CDK14: variants seen among roughly 807,000 people sequenced by gnomAD.
CDK14 encodes the protein cyclin-dependent kinase 14.
Under a neutral mutation model 60.7 loss-of-function variants are expected in CDK14, and 34 were observed. The ratio of observed to expected loss-of-function variants is 0.56; its 90% CI spans 0.43 to 0.75. CDK14 has a LOEUF of 0.75. Ranked by LOEUF, CDK14 falls within the 30% of genes least tolerant of loss-of-function variation. CDK14 has a pLI of 0.00. For missense variants in CDK14, 482 were observed against 564.1 expected (o/e 0.85, Z 1.47); for synonymous variants, 197 against 203.7 (o/e 0.97, Z 0.28).
intron 10 of CDK14, among the ~76,000 whole-genome samples, chr7:91,018,771 CT>C (rs1247178815): frequency 6.6e-6 from 1 of 152,226 alleles, no homozygotes; most frequent in African/African-American, 2.4e-5. Context: ...CCTGCTTCCC[CT>C]TCATGTTCCT....
intron 2 of CDK14, among the ~76,000 whole-genome samples, chr7:90,621,663 T>TG (rs1554421126): frequency 1.8e-5 from 2 of 112,650 alleles, no homozygotes; most frequent in South Asian, 3.2e-4. Context: ...CTTCCTTCCT[T>TG]CCTTCCTGCC....
intron 2 of CDK14, among the ~76,000 whole-genome samples, chr7:90,717,017 G>T (rs1802272411): frequency 6.6e-6 from 1 of 152,072 alleles, no homozygotes; most frequent in South Asian, 2.1e-4. Flanking sequence ...AACTTTTCCA[G>T]ATGAAATTCT....
intron 14 of CDK14, among the ~76,000 whole-genome samples, chr7:91,166,520 G>A (rs1019605208): frequency 2.6e-5 from 4 of 152,164 alleles, no homozygotes; most frequent in African/African-American, 7.2e-5. Flanking sequence ...ATCATAGAAA[G>A]CATTCAGATT....
chr7:90,961,789 C>G (rs1382029030), intron 9 of CDK14, among the ~76,000 whole-genome samples: 1 of 152,224 alleles, frequency 6.6e-6, no homozygotes, highest in Non-Finnish European at 1.5e-5. Flanking sequence ...TCTAAGCCCA[C>G]TCTCACTACG....
At chr7:90,784,165 C>T (rs1181237263) in intron 4 of CDK14, among the ~76,000 whole-genome samples, 1 of 152,052 alleles carries the variant, frequency 6.6e-6, no homozygotes, top group African/African-American at 2.4e-5. Flanking sequence ...CGTAAATAAG[C>T]CAAGCACTAA....
At chr7:90,722,140 A>C (rs528983210) in intron 2 of CDK14, among the ~76,000 whole-genome samples, 33 of 113,620 alleles carry the variant, frequency 2.9e-4, no homozygotes, top group African/African-American at 6.6e-4. Context: ...CTCCCCTCTT[A>C]CCCCTCTTCC....
chr7:90,792,716 A>G (rs1286733020), intron 5 of CDK14, among the ~76,000 whole-genome samples: 1 of 96,396 alleles, frequency 1.0e-5, no homozygotes, highest in Non-Finnish European at 2.4e-5. Context: ...CTTCTTAATT[A>G]TACACCTCAC....
At chr7:90,646,516 T>C (rs1338179784) in intron 2 of CDK14, among the ~76,000 whole-genome samples, 1 of 152,128 alleles carries the variant, frequency 6.6e-6, no homozygotes, top group Non-Finnish European at 1.5e-5. Context: ...AACATATGCA[T>C]ATCAAACAAA....
intron 2 of CDK14, among the ~76,000 whole-genome samples, chr7:90,630,879 G>C (rs1799979323): frequency 1.1e-5 from 1 of 87,496 alleles, no homozygotes; most frequent in East Asian, 6.2e-4. Context: ...TTTACATCTT[G>C]GGGTGTGTAT....
At chr7:91,092,445 G>A (rs960752914) in intron 12 of CDK14, among the ~76,000 whole-genome samples, 3 of 152,204 alleles carry the variant, frequency 2.0e-5, no homozygotes, top group African/African-American at 7.2e-5. Flanking sequence ...GAGAGAAATA[G>A]AGGCCATGAA....
intron 14 of CDK14, among the ~76,000 whole-genome samples, chr7:91,158,051 TATATA>T (rs1002280139): frequency 4.1e-5 from 6 of 148,014 alleles, no homozygotes; most frequent in South Asian, 4.2e-4. Flanking sequence ...AAACATTTTT[TATATA>T]ATATATTATA....
chr7:90,903,769 A>C (rs188988922), intron 7 of CDK14, among the ~76,000 whole-genome samples: 8 of 152,310 alleles, frequency 5.3e-5, no homozygotes, highest in African/African-American at 9.6e-5. Context: ...GGATATCCTA[A>C]ATACCCATCA....
intron 3 of CDK14, among the ~76,000 whole-genome samples, chr7:90,730,026 C>T (rs1261145849): frequency 2.6e-5 from 4 of 152,028 alleles, no homozygotes; most frequent in African/African-American, 9.7e-5. Flanking sequence ...CCTCCCCTAG[C>T]CCTGGTGTAT....
intron 14 of CDK14, among the ~76,000 whole-genome samples, chr7:91,122,930 G>A (rs1488529757): frequency 6.6e-6 from 1 of 152,172 alleles, no homozygotes; most frequent in African/African-American, 2.4e-5. Context: ...CCCAGAACTG[G>A]TTGGCCAACC....
chr7:90,878,762 G>A (rs1791646634), intron 6 of CDK14, among the ~76,000 whole-genome samples: 1 of 152,140 alleles, frequency 6.6e-6, no homozygotes, highest in African/African-American at 2.4e-5. Flanking sequence ...TTCTAGAAAA[G>A]TTAACTTTAG....
At chr7:90,687,582 A>G (rs1179044497) in intron 2 of CDK14, among the ~76,000 whole-genome samples, 2 of 152,114 alleles carry the variant, frequency 1.3e-5, no homozygotes, top group African/African-American at 4.8e-5. Context: ...GATACATATT[A>G]ATGACTAAAT....
chr7:90,835,809 T>A lies in CDK14; in HGVS notation c.545-27366T>A, dbSNP rs550283132. On this transcript the variant is annotated intron_variant, in intron 5 of 14. Coordinates refer to ENST00000380050, the MANE Select transcript of CDK14 (RefSeq NM_001287135.2). The stretch of plus-strand genomic sequence containing the variant: ...CCATCTTTGTGCAAACATCATAGAG[T>A]GCTAATATAAAAATATAGATGGTGC... Among the ~76,000 whole-genome samples, 4 of 152,208 alleles carry A rather than the reference T, an allele frequency of 2.6e-5. No individual in the cohort carries two copies. The South Asian group carries it at 8.3e-4, about 32-fold the overall frequency.
chr7:91,112,441 C>A (rs901872871), intron 12 of CDK14, 101 bp from the exon 13 acceptor site: 7 of 1,287,528 alleles, frequency 5.4e-6, no homozygotes, highest in Non-Finnish European at 7.5e-6. Context: ...GTTTTTCTAG[C>A]CAGGAATAAA....
intron 10 of CDK14, among the ~76,000 whole-genome samples, chr7:91,038,214 T>C (rs1432848550): frequency 6.6e-6 from 1 of 152,274 alleles, no homozygotes; most frequent in Non-Finnish European, 1.5e-5. Flanking sequence ...TCTCTTCTAC[T>C]TTTTAAAAAG....
Sources: gnomAD v4.1 joint callset for allele counts (sites outside exome capture counted in the v4.1 genomes callset) on GRCh38, gnomAD v4.1.1 for gene constraint, MANE v1.5 for transcripts, NCBI Gene and HGNC (gene_info 2026-07-23, HGNC 2026-07-21) for gene names.